Variants in IL12RB2 observed in about 807,000 individuals in gnomAD.
IL12RB2 encodes the protein interleukin 12 receptor subunit beta 2, also known as interleukin-12 receptor subunit beta-2.
Under a neutral mutation model 89.4 loss-of-function variants are expected in IL12RB2, and 82 were observed. The ratio of observed to expected loss-of-function variants is 0.92; its 90% CI spans 0.77 to 1.10. The LOEUF is 1.10. Among genes scored for constraint, IL12RB2 ranks in the 50% least tolerant of loss-of-function variants. IL12RB2 has a pLI of 0.00. For missense variants in IL12RB2, 963 were observed against 1,031.9 expected, an observed-to-expected ratio of 0.93 and a Z score of 0.92; for synonymous variants, 368 against 370.1, an observed-to-expected ratio of 0.99 and a Z score of 0.07.
At chr1:67,316,148 G>C (rs1476912579) in intron 2 of IL12RB2, among the ~76,000 whole-genome samples, 1 of 152,200 alleles carries the variant, frequency 6.6e-6, no homozygotes, top group South Asian at 2.1e-4. Context: ...CCCCTGAGGA[G>C]CTTGCAAGGT....
At chr1:67,343,175 C>G (rs1659842325) in intron 9 of IL12RB2, among the ~76,000 whole-genome samples, 1 of 132,392 alleles carries the variant, frequency 7.6e-6, no homozygotes, top group Non-Finnish European at 1.6e-5. Context: ...GCAGCCTTCA[C>G]CTCCTGTGCT....
At chr1:67,392,546 G>A (rs1374146657) in intron 16 of IL12RB2, among the ~76,000 whole-genome samples, 2 of 151,788 alleles carry the variant, frequency 1.3e-5, no homozygotes, top group South Asian at 4.2e-4. Context: ...GATACTGGTG[G>A]TTGCCTCCAG....
At chr1:67,391,356 A>AGT (rs148773328) in intron 16 of IL12RB2, among the ~76,000 whole-genome samples, 36,307 of 140,204 alleles carry the variant, frequency 0.26, 5,210 homozygotes, top group East Asian at 0.55. Context: ...TAATAACAGC[A>AGT]GTGTGTGTGT....
intron 10 of IL12RB2, among the ~76,000 whole-genome samples, chr1:67,365,103 GAAAATA>G (rs1324080540): frequency 6.6e-6 from 1 of 152,036 alleles, no homozygotes; most frequent in African/African-American, 2.4e-5. Flanking sequence ...TGAACTAATT[GAAAATA>G]AAAATAAAAC....
intron 11 of IL12RB2, among the ~76,000 whole-genome samples, chr1:67,369,091 G>A (rs942591548): frequency 2.0e-5 from 3 of 152,122 alleles, no homozygotes; most frequent in African/African-American, 7.2e-5. Flanking sequence ...AATCATACAT[G>A]AGTCCATCCT....
chr1:67,358,183 A>G (rs1661607063), intron 10 of IL12RB2, among the ~76,000 whole-genome samples: 4 of 152,234 alleles, frequency 2.6e-5, no homozygotes, highest in Admixed American at 6.5e-5. Flanking sequence ...TGTCAATAAC[A>G]AAACATATAA....
chr1:67,340,906 C>T (rs1444137606), intron 9 of IL12RB2, among the ~76,000 whole-genome samples: 1 of 152,176 alleles, frequency 6.6e-6, no homozygotes, highest in Non-Finnish European at 1.5e-5. Flanking sequence ...GTTCAGCCTT[C>T]CTTTCATTAT....
intron 6 of IL12RB2, among the ~76,000 whole-genome samples, 189 bp downstream of exon 6, chr1:67,328,573 T>C (rs896750856): frequency 6.6e-6 from 1 of 152,224 alleles, no homozygotes. Flanking sequence ...AAGATGGCTA[T>C]ACAAAGTGGG....
chr1:67,328,437 C>T, intron 6 of IL12RB2, 53 bp downstream of exon 6: 3 of 1,609,578 alleles, frequency 1.9e-6, no homozygotes, highest in Non-Finnish European at 2.5e-6. Flanking sequence ...TTTAAAATCA[C>T]TCAAATCTTT....
Position 67,321,717 on chromosome 1 carries a change from A to G in IL12RB2, c.192A>G (p.Arg64=). 6.2e-7 allele frequency: 1 copy of G among 1,611,802 alleles called. No homozygotes were observed. The highest frequency in any genetic ancestry group is 8.5e-7 in the Non-Finnish European group (1 of 1,177,922). The change falls in exon 4 of 17, where the codon AGA becomes AGG. Residue 64 remains arginine, a synonymous_variant. Transcript: ENST00000674203. ...GACAAGGCTGCTTTCACTATTCCAG[A>G]CGTAACAAGTTAATCCTGTACAAGT... The part of the protein sequence containing the change: ...KPRQGCFHYS[R]RNKLILYKFD...
intron 11 of IL12RB2, 132 bp from the exon 12 acceptor site, chr1:67,372,304 G>A (rs756465983): frequency 1.0e-4 from 74 of 731,370 alleles, no homozygotes; most frequent in Non-Finnish European, 1.8e-4. Context: ...TCCAGACTGT[G>A]CTTGAACCAT....
At chr1:67,358,353 A>T (rs906635355) in intron 10 of IL12RB2, among the ~76,000 whole-genome samples, 1 of 152,192 alleles carries the variant, frequency 6.6e-6, no homozygotes, top group Non-Finnish European at 1.5e-5. Flanking sequence ...AGGCAGGCAG[A>T]TCACCTGAGG....
intron 16 of IL12RB2, among the ~76,000 whole-genome samples, chr1:67,390,455 C>CTTTTTTTTTT (rs67532605): frequency 5.6e-5 from 6 of 107,524 alleles, no homozygotes; most frequent in East Asian, 2.8e-4. Context: ...GCAAACTTTC[C>CTTTTTTTTTT]TTTTTTTTTT....
Position 67,325,769 on chromosome 1 carries a change from G to A in IL12RB2, c.365-966G>A, listed in dbSNP as rs181512812. ...ACAGATTTTTTCAGTGTAGACAATAGCTAGGACTTCTGTAGTATACTCATT... is the reference window on the plus strand; with the variant it reads ...ACAGATTTTTTCAGTGTAGACAATAACTAGGACTTCTGTAGTATACTCATT... On this transcript the variant is annotated intron_variant, in intron 4 of 16. Transcript: ENST00000674203. Among the ~76,000 whole-genome samples the A allele has an allele frequency of 4.3e-3, 650 of 152,284 alleles. 13 individuals carry two copies. The highest frequency in any genetic ancestry group is 0.036 in the Admixed American group (547 of 15,292).
At chr1:67,368,539 A>T (rs6588259) in intron 11 of IL12RB2, among the ~76,000 whole-genome samples, 99,599 of 152,152 alleles carry the variant, frequency 0.65, 33,210 homozygotes, top group South Asian at 0.73. Context: ...ATTATCTATA[A>T]GACAATTGGT....
At chr1:67,320,995 T>G (rs1480110116) in intron 3 of IL12RB2, among the ~76,000 whole-genome samples, 1 of 150,812 alleles carries the variant, frequency 6.6e-6, no homozygotes, top group Non-Finnish European at 1.5e-5. Context: ...ATCCGCTGTT[T>G]GGTTTTCTGT....
chr1:67,309,846 C>T (rs183858230), intron 1 of IL12RB2, among the ~76,000 whole-genome samples: 162 of 152,204 alleles, frequency 1.1e-3, no homozygotes, highest in African/African-American at 3.9e-3. Flanking sequence ...TTTGTAATTA[C>T]GCTCACAGCA....
intron 15 of IL12RB2, among the ~76,000 whole-genome samples, chr1:67,387,570 A>G (rs1322426114): frequency 6.6e-6 from 1 of 151,688 alleles, no homozygotes; most frequent in Admixed American, 6.6e-5. Context: ...GTGTGGTGGC[A>G]CGAGCCTGTA....
Position 67,326,729 on chromosome 1 carries a change from T to G in IL12RB2, c.365-6T>G. 6.2e-7 allele frequency: 1 copy of G among 1,612,180 alleles called. No individual in the cohort carries two copies. Among genetic ancestry groups the G allele is most frequent in the Non-Finnish European group, 8.5e-7 (1 of 1,178,798 alleles). ...ATATATAAGGTTTTGTCTTTTCTTTTTAAAGTTGCTCCAGAACAGCCTCAA... is the reference window on the plus strand; with the variant it reads ...ATATATAAGGTTTTGTCTTTTCTTTGTAAAGTTGCTCCAGAACAGCCTCAA... On this transcript the variant is annotated splice_polypyrimidine_tract_variant and splice_region_variant and intron_variant, in intron 4 of 16. Transcript: ENST00000674203.
Sources: allele counts gnomAD v4.1 joint callset (sites outside exome capture counted in the v4.1 genomes callset), GRCh38; gene constraint gnomAD v4.1.1; transcripts MANE v1.5; gene names NCBI Gene and HGNC (gene_info 2026-07-23, HGNC 2026-07-21).